Variants in PGM1 observed in about 807,000 individuals in gnomAD.
PGM1 encodes the protein phosphoglucomutase 1.
A neutral mutation model predicts 55.6 loss-of-function variants in PGM1; 52 were observed. That is an observed-to-expected ratio of 0.94 (90% CI 0.75 to 1.18). The LOEUF (loss-of-function observed/expected upper bound fraction) is 1.18. PGM1 is among the 50% of genes most tolerant of loss of function. The pLI, the probability that PGM1 is intolerant of heterozygous loss-of-function variation, is 0.00. For missense variants in PGM1, 724 were observed against 729.3 expected, an observed-to-expected ratio of 0.99 and a Z score of 0.08; for synonymous variants, 287 against 271.7, an observed-to-expected ratio of 1.06 and a Z score of -0.55.
In PGM1 at chr1:63,617,571, G is replaced by A. The variant is rs1648772101; in HGVS notation, c.247-11854G>A. Among the ~76,000 whole-genome samples the A allele has an allele frequency of 2.0e-5, 3 of 151,776 alleles. 1 individual carries two copies. Among genetic ancestry groups the A allele is most frequent in the Non-Finnish European group, 4.4e-5 (3 of 67,922 alleles). On this transcript the variant is annotated intron_variant, in intron 1 of 10. Transcript: ENST00000371084. ...AAATTACCAAAATTAGCAGGGCATGGTGGCACACACCTGTAATCCCAGCTC... is the reference window on the plus strand; with the variant it reads ...AAATTACCAAAATTAGCAGGGCATGATGGCACACACCTGTAATCCCAGCTC...
Position 63,630,077 on chromosome 1 carries a change from A to G in PGM1, c.545A>G (p.Lys182Arg). The G allele has an allele frequency of 6.2e-7, 1 of 1,614,010 alleles. No individual in the cohort carries two copies. Among genetic ancestry groups the G allele is most frequent in the Non-Finnish European group, 8.5e-7 (1 of 1,179,900 alleles). ...CAGTTTGACTTGGAAAATAAGTTCA[A>G]ACCCTTCACAGGCATGTTTACTTTC... The part of the protein sequence containing the change: ...KQQFDLENKF[K>R]PFTVEIVDSV... The change falls in exon 3 of 11, where the codon AAA (lysine) becomes AGA (arginine). Residue 182 changes from lysine (K) to arginine (R), a missense_variant. By Grantham distance (26) the Lys-to-Arg change is conservative. Transcript: ENST00000371084.
At chr1:63,643,982 C>T (rs1649588241) in intron 7 of PGM1, among the ~76,000 whole-genome samples, 1 of 152,200 alleles carries the variant, frequency 6.6e-6, no homozygotes, top group Non-Finnish European at 1.5e-5. Flanking sequence ...TTTCAGGGAA[C>T]TCCATGCAGC....
In PGM1 at chr1:63,593,473, G is replaced by A; in HGVS notation, c.-16G>A. ...GCCAAGTCCGCCGCTCTGACCCCCG[G>A]CAGCAAGTCGCCACCATGGTGAAGA... On this transcript the variant is annotated 5_prime_UTR_variant, in exon 1 of 11. Transcript: ENST00000371084. 1.9e-6 allele frequency: 3 copies of A among 1,613,390 alleles called. No homozygotes were observed. The highest frequency in any genetic ancestry group is 1.7e-6 in the Non-Finnish European group (2 of 1,179,836).
intron 1 of PGM1, among the ~76,000 whole-genome samples, chr1:63,599,498 TA>T (rs10608683): frequency 0.21 from 31,258 of 147,500 alleles, 3,899 homozygotes; most frequent in African/African-American, 0.36. Context: ...ACCCCCACTT[TA>T]AAAAAAAAAA....
intron 1 of PGM1, among the ~76,000 whole-genome samples, chr1:63,617,679 G>A (rs1424561771): frequency 8.0e-6 from 1 of 125,430 alleles, no homozygotes; most frequent in East Asian, 2.6e-4. Flanking sequence ...AGGTTGCAGA[G>A]ATTGCACAAC....
intron 1 of PGM1, among the ~76,000 whole-genome samples, chr1:63,598,070 A>G (rs986026205): frequency 6.6e-6 from 1 of 152,152 alleles, no homozygotes; most frequent in Non-Finnish European, 1.5e-5. Context: ...CCCCAGGTTC[A>G]GTTGATTCTC....
chr1:63,631,979 G>C (rs57088403), intron 4 of PGM1, among the ~76,000 whole-genome samples, 197 bp downstream of exon 4: 1 of 152,122 alleles, frequency 6.6e-6, no homozygotes, highest in Admixed American at 6.5e-5. Flanking sequence ...GACACTCCTC[G>C]TGGTAAGCTC....
intron 1 of PGM1, among the ~76,000 whole-genome samples, chr1:63,624,652 C>A (rs1227692116): frequency 6.6e-6 from 1 of 152,120 alleles, no homozygotes; most frequent in African/African-American, 2.4e-5. Context: ...CCTTCAGTAC[C>A]TGCAAATTTT....
At chr1:63,610,550 C>T (rs1446729872) in intron 1 of PGM1, among the ~76,000 whole-genome samples, 1 of 152,122 alleles carries the variant, frequency 6.6e-6, no homozygotes, top group Non-Finnish European at 1.5e-5. Context: ...ATTGCTTGAG[C>T]TGCTTCTTTA....
Position 63,651,987 on chromosome 1 carries a change from C to G in PGM1, c.1464+135C>G, listed in dbSNP as rs1350903576. 9.8e-6 allele frequency: 8 copies of G among 818,582 alleles called. No individual in the cohort carries two copies. The African/African-American group carries it at 1.0e-4, about 10-fold the overall frequency. 50.7% of individuals were successfully genotyped at this position (818,582 alleles called of 1,614,324 possible). On this transcript the variant is annotated intron_variant, in intron 9 of 10. Coordinates refer to ENST00000371084, the MANE Select transcript of PGM1 (RefSeq NM_002633.3). ...GTTTTTCTAGGGTAGCTGTTCTTAC[C>G]TGGTTTTCTGCTGTCCCACGTGACT...
At chr1:63,620,790 G>A (rs1648860655) in intron 1 of PGM1, among the ~76,000 whole-genome samples, 1 of 152,190 alleles carries the variant, frequency 6.6e-6, no homozygotes, top group Non-Finnish European at 1.5e-5. Flanking sequence ...TGTCTGAAGG[G>A]AGTAATCCTT....
At chr1:63,612,946 A>G (rs1326913049) in intron 1 of PGM1, among the ~76,000 whole-genome samples, 1 of 152,170 alleles carries the variant, frequency 6.6e-6, no homozygotes, top group Non-Finnish European at 1.5e-5. Context: ...CACTAATTAC[A>G]GGGGTCGTTT....
chr1:63,611,197 C>T (rs767039329), intron 1 of PGM1, among the ~76,000 whole-genome samples: 3 of 151,868 alleles, frequency 2.0e-5, no homozygotes, highest in Admixed American at 1.3e-4. Flanking sequence ...GAGGGGAACA[C>T]GCAGGGGTGG....
At position 63,659,715 on chromosome 1, in the gene PGM1, C is replaced by A; in HGVS notation, c.*40C>A. 1 of 1,413,122 alleles carries A rather than the reference C, an allele frequency of 7.1e-7. No homozygotes were observed. The highest frequency in any genetic ancestry group is 1.0e-6 in the Non-Finnish European group (1 of 996,476). The allele number at this position is 1,413,122 out of a possible 1,614,324, so 87.5% of individuals were successfully genotyped here. A position where few individuals can be genotyped will look rare whatever the true frequency, so the allele number is the denominator to read the frequency against. On this transcript the variant is annotated 3_prime_UTR_variant, in exon 11 of 11. Transcript: ENST00000371084. ...TGTGGTACGTCCCTCCACCCCCGGACCCATCCAAGTCATCTGATTGAAGAG... is the reference window on the plus strand; with the variant it reads ...TGTGGTACGTCCCTCCACCCCCGGAACCATCCAAGTCATCTGATTGAAGAG...
intron 10 of PGM1, among the ~76,000 whole-genome samples, chr1:63,659,270 G>A (rs948187163): frequency 6.6e-6 from 1 of 152,192 alleles, no homozygotes; most frequent in Non-Finnish European, 1.5e-5. Flanking sequence ...GGAGAGAAAA[G>A]GGGGCCATGG....
At chr1:63,605,896 T>C (rs1196847543) in intron 1 of PGM1, among the ~76,000 whole-genome samples, 1 of 152,210 alleles carries the variant, frequency 6.6e-6, no homozygotes, top group African/African-American at 2.4e-5. Context: ...AGACACAGCC[T>C]TCTCTGCTAA....
chr1:63,631,063 T>C (rs1164443585), intron 3 of PGM1, among the ~76,000 whole-genome samples: 1 of 152,190 alleles, frequency 6.6e-6, no homozygotes, highest in African/African-American at 2.4e-5. Context: ...GTTTTGAAAA[T>C]GTTCAGAAGC....
At chr1:63,621,888 A>G (rs1427049890) in intron 1 of PGM1, among the ~76,000 whole-genome samples, 1 of 152,094 alleles carries the variant, frequency 6.6e-6, no homozygotes, top group East Asian at 1.9e-4. Context: ...TCTTGTGCAG[A>G]GCAGCCCCGG....
At chr1:63,636,908 A>G (rs1443160978) in intron 6 of PGM1, among the ~76,000 whole-genome samples, 1 of 152,212 alleles carries the variant, frequency 6.6e-6, no homozygotes, top group Non-Finnish European at 1.5e-5. Flanking sequence ...TTAGAGTTTC[A>G]ACGACTGGAT....
Sources: gnomAD v4.1 joint callset for allele counts (sites outside exome capture counted in the v4.1 genomes callset) on GRCh38, gnomAD v4.1.1 for gene constraint, MANE v1.5 for transcripts, NCBI Gene and HGNC (gene_info 2026-07-23, HGNC 2026-07-21) for gene names.